Variants in TNRC18 observed in about 807,000 individuals in gnomAD.
The protein encoded by TNRC18 is trinucleotide repeat containing 18.
In TNRC18, 69 loss-of-function variants were observed where a neutral mutation model predicts 226.7. The ratio of observed to expected loss-of-function variants is 0.30; its 90% CI spans 0.25 to 0.37. TNRC18 has a LOEUF of 0.37. TNRC18 is among the 10% of genes least tolerant of loss of function. The pLI, the probability that TNRC18 is intolerant of heterozygous loss-of-function variation, is 1.00. For synonymous variants in TNRC18, 2,449 were observed against 1,927.6 expected, an observed-to-expected ratio of 1.27 and a Z score of -7.09; for missense variants, 4,754 against 4,256.6, an observed-to-expected ratio of 1.12 and a Z score of -3.25.
At chr7:5,357,519 C>T (rs937746378) in intron 15 of TNRC18, among the ~76,000 whole-genome samples, 4 of 152,190 alleles carry the variant, frequency 2.6e-5, no homozygotes, top group Non-Finnish European at 5.9e-5. Flanking sequence ...CCAAGCATTT[C>T]TCCTGCCTCA....
At chr7:5,359,971 C>T (rs1398713789) in intron 14 of TNRC18, among the ~76,000 whole-genome samples, 1 of 151,894 alleles carries the variant, frequency 6.6e-6, no homozygotes, top group African/African-American at 2.4e-5. Context: ...GGATTCCAGT[C>T]TCTCTTTTCC....
At chr7:5,382,857 C>G (rs1366834656) in intron 5 of TNRC18, among the ~76,000 whole-genome samples, 3 of 152,150 alleles carry the variant, frequency 2.0e-5, no homozygotes, top group Non-Finnish European at 4.4e-5. Context: ...CCTCATGGAG[C>G]TGTCTGTTCA....
At chr7:5,344,654 A>C (rs1403406704) in intron 18 of TNRC18, among the ~76,000 whole-genome samples, 2 of 152,148 alleles carry the variant, frequency 1.3e-5, no homozygotes, top group Admixed American at 6.5e-5. Context: ...GGAGAGCCTC[A>C]TACCTACCCC....
intron 18 of TNRC18, among the ~76,000 whole-genome samples, chr7:5,336,590 T>C (rs972552708): frequency 8.6e-5 from 13 of 151,422 alleles, no homozygotes; most frequent in Admixed American, 7.9e-4. Context: ...AAAAATACAA[T>C]AATTAGCCAG....
At chr7:5,353,078 C>T (rs1386205918) in intron 16 of TNRC18, among the ~76,000 whole-genome samples, 1 of 152,184 alleles carries the variant, frequency 6.6e-6, no homozygotes, top group Non-Finnish European at 1.5e-5. Context: ...GATGGTCCGG[C>T]AACTCTTGGG....
At chr7:5,332,517 T>G in intron 19 of TNRC18, 105 bp downstream of exon 19, 15 of 1,287,686 alleles carry the variant, frequency 1.2e-5, no homozygotes, top group South Asian at 2.9e-5. Context: ...GAGTACATGG[T>G]TATTAACAGT....
rs573935644 is a variant in TNRC18 at position 5,371,194 on chromosome 7, G to A, written c.3400C>T (p.Arg1134Cys). The change falls in exon 11 of 30, where the codon CGC becomes TGC. Residue 1134 changes from arginine to cysteine, a missense_variant. Arg to Cys is a radical substitution (Grantham distance 180). Transcript: ENST00000430969. Reference sequence around the variant, plus strand: ...TCTGTGATCTTGGAGGGGGACAAGCGGATGGGCTTGTCTTCGGGTGAGAGT... The same window carrying A: ...TCTGTGATCTTGGAGGGGGACAAGCAGATGGGCTTGTCTTCGGGTGAGAGT... ...LALSPEDKPI[R>C]LSPSKITEPL... is the part of the protein sequence containing the mutation. 2.2e-5 allele frequency: 35 copies of A among 1,605,284 alleles called. No homozygotes were observed. Among genetic ancestry groups the A allele is most frequent in the African/African-American group, 4.0e-5 (3 of 74,848 alleles).
intron 21 of TNRC18, among the ~76,000 whole-genome samples, chr7:5,323,985 C>G (rs1788639390): frequency 6.6e-6 from 1 of 152,224 alleles, no homozygotes; most frequent in African/African-American, 2.4e-5. Flanking sequence ...GCAGGACCTG[C>G]CTCCTCCCTG....
intron 12 of TNRC18, 112 bp from the exon 13 acceptor site, chr7:5,362,145 G>T: frequency 7.5e-7 from 1 of 1,334,570 alleles, no homozygotes; most frequent in Non-Finnish European, 1.0e-6. Context: ...GGGAGCTGGG[G>T]CTCGAGTCCC....
intron 3 of TNRC18, among the ~76,000 whole-genome samples, chr7:5,393,010 T>C (rs1043457475): frequency 3.3e-5 from 5 of 152,014 alleles, no homozygotes; most frequent in African/African-American, 4.8e-5. Flanking sequence ...AGACCCTGTC[T>C]CAAAAAAAAG....
intron 24 of TNRC18, 150 bp from the exon 25 acceptor site, chr7:5,316,222 C>G: frequency 2.2e-6 from 1 of 457,850 alleles, no homozygotes; most frequent in South Asian, 3.3e-5. Context: ...TACAGCGGCT[C>G]AGAATGTGGG....
chr7:5,389,140 C>G lies in TNRC18; in HGVS notation c.684G>C (p.Arg228=), dbSNP rs942218357. Reference sequence around the variant, plus strand: ...CCCGTGGCCCCGAGGCCTCCTCGCCCCGGGCGCGCGGGTCCTTCTTGCCGA... The same window carrying G: ...CCCGTGGCCCCGAGGCCTCCTCGCCGCGGGCGCGCGGGTCCTTCTTGCCGA... ...PLFGKKDPRA[R]GEEASGPRGV... is the part of the protein sequence containing the mutation. Residue 228 remains arginine, a synonymous_variant, in exon 5 of 30, where the codon CGG becomes CGC. Coordinates refer to ENST00000430969, the MANE Select transcript of TNRC18 (RefSeq NM_001080495.3). 1 of 1,321,164 alleles carries G rather than the reference C, an allele frequency of 7.6e-7. No individual in the cohort carries two copies. The highest frequency in any genetic ancestry group is 1.6e-5 in the African/African-American group (1 of 63,210). The allele number at this position is 1,321,164 out of a possible 1,614,324, so 81.8% of individuals were successfully genotyped here.
At position 5,312,821 on chromosome 7, in the gene TNRC18, C is replaced by T. The variant is rs762018514; in HGVS notation, c.8070G>A (p.Thr2690=). The change falls in exon 27 of 30, where the codon ACG becomes ACA. Residue 2690 remains threonine (T), a synonymous_variant. Coordinates refer to ENST00000430969, the MANE Select transcript of TNRC18 (RefSeq NM_001080495.3). The surrounding 1 kb of genome is among the most constrained non-coding windows in gnomAD (Gnocchi z 6.3). The part of the protein sequence containing the change: ...SSDDEAAPAP[T]AGPSAQAALP... ...GCGCCGCCTGCGCGGAAGGGCCAGC[C>T]GTGGGGGCGGGGGCTGCCTCATCGT... 1.4e-4 allele frequency: 208 copies of T among 1,530,400 alleles called. No individual in the cohort carries two copies. Among genetic ancestry groups the T allele is most frequent in the African/African-American group, 1.3e-3 (96 of 72,792 alleles). 94.8% of individuals were successfully genotyped at this position (1,530,400 alleles called of 1,614,324 possible).
Position 5,374,037 on chromosome 7 carries a change from G to C in TNRC18, c.3229+18C>G. 6.6e-7 allele frequency: 1 copy of C among 1,525,974 alleles called. No individual in the cohort carries two copies. 94.5% of individuals were successfully genotyped at this position (1,525,974 alleles called of 1,614,324 possible). ...CCAGGGGCAGAGTGAGACCCTGAGG[G>C]TCTCAGCTGCATCCTACCTGAGAAC... On this transcript the variant is annotated intron_variant, in intron 10 of 29. Coordinates refer to ENST00000430969, the MANE Select transcript of TNRC18 (RefSeq NM_001080495.3).
chr7:5,409,324 AT>A (rs1472440619), intron 2 of TNRC18, among the ~76,000 whole-genome samples: 2 of 152,192 alleles, frequency 1.3e-5, no homozygotes, highest in African/African-American at 4.8e-5. Flanking sequence ...ATGGGAATTA[AT>A]GTATGCATGA....
chr7:5,361,587 G>C lies in TNRC18; in HGVS notation c.4661+7C>G, dbSNP rs1174584994. The C allele has an allele frequency of 6.6e-7, 1 of 1,511,860 alleles. No homozygotes were observed. Among genetic ancestry groups the C allele is most frequent in the Non-Finnish European group, 8.9e-7 (1 of 1,129,260 alleles). 93.7% of individuals were successfully genotyped at this position (1,511,860 alleles called of 1,614,324 possible). ...CAGTCCCCGACCCACCGAGGGGCCA[G>C]CCTTACTTTCCGCTACTGTGGCCGC... On this transcript the variant is annotated splice_region_variant and intron_variant, in intron 14 of 29. Transcript: ENST00000430969.
chr7:5,355,927 G>T (rs149942082), intron 16 of TNRC18, among the ~76,000 whole-genome samples: 7 of 152,234 alleles, frequency 4.6e-5, no homozygotes, highest in African/African-American at 1.7e-4. Flanking sequence ...GCACTTTGCA[G>T]GCCGAGGCAG....
At position 5,388,530 on chromosome 7, in the gene TNRC18, C is replaced by A; in HGVS notation, c.1294G>T (p.Val432Phe). 3 of 1,319,580 alleles carry A rather than the reference C, an allele frequency of 2.3e-6. No homozygotes were observed. Among genetic ancestry groups the A allele is most frequent in the Non-Finnish European group, 2.9e-6 (3 of 1,038,746 alleles). 81.7% of individuals were successfully genotyped at this position (1,319,580 alleles called of 1,614,324 possible). Reference sequence around the variant, plus strand: ...GGCGGCCGCTTGAGCGAGCGGATGACCGAGTTCTTCTCGCGCAGGCCCTCG... The same window carrying A: ...GGCGGCCGCTTGAGCGAGCGGATGAACGAGTTCTTCTCGCGCAGGCCCTCG... ...RPEGLREKNS[V>F]IRSLKRPPPA... Residue 432 changes from valine to phenylalanine, a missense_variant, in exon 5 of 30, where the codon GTC becomes TTC. Physicochemically the swap from Val to Phe is conservative, Grantham distance 50. Coordinates refer to ENST00000430969, the MANE Select transcript of TNRC18 (RefSeq NM_001080495.3).
rs202070597 is a variant in TNRC18 at position 5,357,150 on chromosome 7, C to T, written c.4960G>A (p.Gly1654Arg). 5.1e-6 allele frequency: 8 copies of T among 1,579,580 alleles called. No homozygotes were observed. The highest frequency in any genetic ancestry group is 3.7e-5 in the Admixed American group (2 of 53,682). ...SPFKFSDSAG[G>R]KSKTSGGCGR... ...CAGCCCCCGCTAGTTTTCGATTTCC[C>T]CCCAGCACTGTCCGAAAACTTGAAG... The change falls in exon 16 of 30, where the codon GGG becomes AGG. Residue 1654 changes from glycine to arginine, a missense_variant. Coordinates refer to ENST00000430969, the MANE Select transcript of TNRC18 (RefSeq NM_001080495.3).
Sources: gnomAD v4.1 joint callset for allele counts (sites outside exome capture counted in the v4.1 genomes callset) on GRCh38, gnomAD v4.1.1 for gene constraint, Gnocchi (gnomAD v3.1) non-coding constraint, MANE v1.5 for transcripts, NCBI Gene and HGNC (gene_info 2026-07-23, HGNC 2026-07-21) for gene names.